SLC16A5: variants seen among roughly 807,000 people sequenced by gnomAD.
SLC16A5 encodes the protein monocarboxylate transporter 6.
In SLC16A5, 29 loss-of-function variants were observed where a neutral mutation model predicts 33.2. The ratio of observed to expected loss-of-function variants is 0.87; its 90% CI spans 0.65 to 1.19. The LOEUF is 1.19. Among genes scored for constraint, SLC16A5 ranks in the 50% most tolerant of loss-of-function variants. The probability of loss-of-function intolerance (pLI) is 0.00; values close to 1 mark genes in which losing one functional copy is unlikely to be tolerated. For synonymous variants in SLC16A5, 248 were observed against 284.1 expected (o/e 0.87, Z 1.28); for missense variants, 606 against 678.2 (o/e 0.89, Z 1.18).
chr17:75,106,590 TTTAA>T (rs746143593), downstream of SLC16A5, among the ~76,000 whole-genome samples: 15 of 107,622 alleles, frequency 1.4e-4, no homozygotes, highest in Non-Finnish European at 2.2e-4. Context: ...CTGTCTTTTT[TTTAA>T]AAAAAAAAAA....
intron 5 of SLC16A5, among the ~76,000 whole-genome samples, chr17:75,101,374 CGTG>C (rs1292713732): frequency 6.6e-6 from 1 of 151,200 alleles, no homozygotes; most frequent in Non-Finnish European, 1.5e-5. Flanking sequence ...ACATGGCTAA[CGTG>C]GTGAAACCCC....
intron 4 of SLC16A5, among the ~76,000 whole-genome samples, chr17:75,098,728 A>G (rs1040479345): frequency 5.3e-5 from 8 of 152,140 alleles, no homozygotes; most frequent in African/African-American, 1.7e-4. Flanking sequence ...AATGGGAGAA[A>G]TAACGAAGGA....
upstream of SLC16A5, chr17:75,087,736 A>G (rs1247730325): frequency 6.6e-6 from 1 of 152,358 alleles, no homozygotes; most frequent in Non-Finnish European, 1.5e-5. Context: ...CAGAAGCTAG[A>G]AAGAGGGCAT....
chr17:75,100,820 A>T lies in SLC16A5; in HGVS notation c.1153+4A>T. The T allele has an allele frequency of 6.4e-7, 1 of 1,572,888 alleles. No individual in the cohort carries two copies. Among genetic ancestry groups the T allele is most frequent in the Non-Finnish European group, 8.7e-7 (1 of 1,155,622 alleles). ...CTCATCTCCCCACCACTGGCCGGTG[A>T]GGAGCTGGGAGGGAGGGCAGCCAGA... is the stretch of plus-strand genomic sequence containing the variant. On this transcript the variant is annotated splice_donor_region_variant and intron_variant, in intron 5 of 6. Transcript: ENST00000329783.
chr17:75,106,236 C>T (rs2073861582), downstream of SLC16A5: 3 of 399,862 alleles, frequency 7.5e-6, no homozygotes, highest in Non-Finnish European at 1.4e-5. Context: ...CTGACGACTC[C>T]ATTTCCTTCT....
intron 4 of SLC16A5, 52 bp from the exon 5 acceptor site, chr17:75,099,950 GGTGCA>G (rs1408024810): frequency 6.6e-7 from 1 of 1,511,268 alleles, no homozygotes; most frequent in Non-Finnish European, 8.9e-7. Context: ...CCCACCCCTG[GGTGCA>G]GGTGGAAGGC....
chr17:75,108,509 AGT>A (rs2073880096), downstream of SLC16A5, among the ~76,000 whole-genome samples: 1 of 152,168 alleles, frequency 6.6e-6, no homozygotes, highest in Non-Finnish European at 1.5e-5. Flanking sequence ...AGCTGGCTGG[AGT>A]GTGACGGCCA....
rs539427054 is a variant in SLC16A5, at chr17:75,093,643, C to T, written c.7C>T (p.Gln3Ter). MP[Q>*]ALERADGSWA... is the part of the protein sequence containing the mutation. ...GCAGCGTCGGCAGCAGAGGATGCCC[C>T]AGGCCCTGGAGCGTGCAGATGGCAG... Residue 3 changes from glutamine (Q) to a stop codon, truncating the protein, a stop_gained, in exon 3 of 7, where the codon CAG becomes TAG. Transcript: ENST00000329783. LOFTEE classifies it high-confidence loss of function. 9.9e-6 allele frequency: 16 copies of T among 1,610,658 alleles called. No individual in the cohort carries two copies. The East Asian group carries it at 2.9e-4, about 29-fold the overall frequency.
chr17:75,100,492 A>C lies in SLC16A5; in HGVS notation c.829A>C (p.Ile277Leu). Residue 277 changes from isoleucine to leucine, a missense_variant, in exon 5 of 7, where the codon ATC (isoleucine) becomes CTC (leucine). Physicochemically the swap from Ile to Leu is conservative, Grantham distance 5 (BLOSUM62 2). Coordinates refer to ENST00000329783, the MANE Select transcript of SLC16A5 (RefSeq NM_004695.4). ...SVDEQQAALL[I>L]SIIGFSNIFL... ...GGACGAGCAGCAGGCAGCCCTCCTC[A>C]TCTCCATCATCGGCTTCAGCAACAT... The C allele has an allele frequency of 6.2e-7, 1 of 1,614,094 alleles. No individual in the cohort carries two copies. Among genetic ancestry groups the C allele is most frequent in the Non-Finnish European group, 8.5e-7 (1 of 1,180,008 alleles).
downstream of SLC16A5, chr17:75,110,045 T>G: frequency 2.0e-6 from 1 of 498,346 alleles, no homozygotes; most frequent in Non-Finnish European, 3.6e-6. Context: ...GTTCCCTGTC[T>G]CCCGCGCCCC....
At chr17:75,104,413 C>CT in intron 6 of SLC16A5, 13 of 1,015,228 alleles carry the variant, frequency 1.3e-5, no homozygotes, top group South Asian at 6.8e-5. Flanking sequence ...CCCTGAGAAA[C>CT]TCTTTTTTTT....
At chr17:75,104,629 T>C in intron 6 of SLC16A5, 1 of 579,254 alleles carries the variant, frequency 1.7e-6, no homozygotes, top group Non-Finnish European at 2.2e-6. Flanking sequence ...TTTTGTCTTT[T>C]AGTAGAGATG....
At chr17:75,094,555 G>A (rs1021536179) in intron 3 of SLC16A5, among the ~76,000 whole-genome samples, 2 of 146,156 alleles carry the variant, frequency 1.4e-5, no homozygotes, top group African/African-American at 2.8e-5. Context: ...GCGTGGTGGC[G>A]GGTGCCTGTA....
At chr17:75,093,069 C>T (rs919065474) in intron 2 of SLC16A5, among the ~76,000 whole-genome samples, 5 of 152,068 alleles carry the variant, frequency 3.3e-5, no homozygotes, top group Admixed American at 6.6e-5. Context: ...GGCCTGCTCA[C>T]TCAGGCCTTC....
intron 6 of SLC16A5, chr17:75,104,473 G>C: frequency 8.6e-7 from 1 of 1,160,080 alleles, no homozygotes; most frequent in Non-Finnish European, 1.1e-6. Flanking sequence ...AGGCTGGAGT[G>C]CAGTGGCACC....
chr17:75,090,692 C>T (rs903986646), intron 2 of SLC16A5, among the ~76,000 whole-genome samples: 12 of 151,996 alleles, frequency 7.9e-5, no homozygotes, highest in African/African-American at 2.9e-4. Flanking sequence ...AACTCCTGAC[C>T]TCGTGATCCG....
chr17:75,093,874 G>C, intron 3 of SLC16A5, 39 bp downstream of exon 3: 7 of 1,588,196 alleles, frequency 4.4e-6, no homozygotes, highest in Non-Finnish European at 6.0e-6. Flanking sequence ...AAAGTCCTAG[G>C]GGTTGCGGGG....
downstream of SLC16A5, chr17:75,109,937 G>A: frequency 3.9e-6 from 1 of 255,458 alleles, no homozygotes; most frequent in Non-Finnish European, 7.6e-6. The surrounding 1 kb of genome is among the most constrained non-coding windows in gnomAD (Gnocchi z 5.0). Flanking sequence ...CCCCTTCGGG[G>A]GTAGGGACAG....
chr17:75,102,637 G>A (rs1292364528), intron 5 of SLC16A5, among the ~76,000 whole-genome samples: 3 of 152,326 alleles, frequency 2.0e-5, no homozygotes, highest in East Asian at 1.9e-4. Context: ...AACACAAGGC[G>A]GCGGTTATTA....
Sources: gnomAD v4.1 joint callset for allele counts (sites outside exome capture counted in the v4.1 genomes callset) on GRCh38, gnomAD v4.1.1 for gene constraint, Gnocchi (gnomAD v3.1) non-coding constraint, MANE v1.5 for transcripts, NCBI Gene and HGNC (gene_info 2026-07-23, HGNC 2026-07-21) for gene names.